Variants in PDGFD observed in about 807,000 individuals in gnomAD.
PDGFD encodes the protein platelet derived growth factor D, also known as platelet-derived growth factor D.
Under a neutral mutation model 44.7 loss-of-function variants are expected in PDGFD, and 30 were observed. The observed-to-expected ratio is 0.67, with a 90% CI of 0.50 to 0.91. The LOEUF is 0.91. Ranked by LOEUF, PDGFD falls within the 40% of genes least tolerant of loss-of-function variation. The pLI is 0.00. For missense variants in PDGFD, 445 were observed against 457.8 expected (o/e 0.97, Z 0.25); for synonymous variants, 173 against 168.4 (o/e 1.03, Z -0.21).
chr11:104,103,198 T>A (rs1213173076), intron 1 of PDGFD, among the ~76,000 whole-genome samples: 1 of 152,066 alleles, frequency 6.6e-6, no homozygotes, highest in African/African-American at 2.4e-5. Flanking sequence ...ATAGAGTAGT[T>A]TTATGATGAT....
At chr11:104,014,175 T>C (rs1161830297) in intron 1 of PDGFD, among the ~76,000 whole-genome samples, 6 of 152,192 alleles carry the variant, frequency 3.9e-5, no homozygotes, top group Admixed American at 2.6e-4. Flanking sequence ...CTATGTCTGT[T>C]TCTCTACATT....
chr11:104,024,275 CA>C (rs1229814275), intron 1 of PDGFD, among the ~76,000 whole-genome samples: 2 of 148,902 alleles, frequency 1.3e-5, no homozygotes, highest in African/African-American at 2.5e-5. Context: ...AGGTACCATG[CA>C]AAAAAAAAGA....
chr11:103,971,877 ACT>A (rs1859108075), intron 3 of PDGFD, among the ~76,000 whole-genome samples: 2 of 152,210 alleles, frequency 1.3e-5, no homozygotes, highest in Admixed American at 6.5e-5. Flanking sequence ...CTTCGGGAAT[ACT>A]CACCACATGA....
At chr11:103,993,887 C>G (rs1859495503) in intron 3 of PDGFD, among the ~76,000 whole-genome samples, 1 of 151,490 alleles carries the variant, frequency 6.6e-6, no homozygotes, top group Non-Finnish European at 1.5e-5. Context: ...ACCAACAGAC[C>G]AGTAGAAAAA....
chr11:104,013,034 C>A (rs1237063636), intron 1 of PDGFD, among the ~76,000 whole-genome samples: 1 of 152,240 alleles, frequency 6.6e-6, no homozygotes, highest in Non-Finnish European at 1.5e-5. Flanking sequence ...CTATGTCCCC[C>A]ACCCTGTACC....
intron 5 of PDGFD, 80 bp from the exon 6 acceptor site, chr11:103,927,206 G>C: frequency 1.6e-6 from 2 of 1,283,106 alleles, no homozygotes; most frequent in Non-Finnish European, 2.2e-6. Flanking sequence ...GGAATAGAGT[G>C]GGAAGATTCT....
intron 1 of PDGFD, among the ~76,000 whole-genome samples, chr11:104,066,753 T>G (rs969180965): frequency 6.6e-6 from 1 of 152,186 alleles, no homozygotes; most frequent in African/African-American, 2.4e-5. Context: ...TTGGCCCTAT[T>G]GGCATCACTG....
At chr11:104,129,218 CTTT>C (rs111924546) in intron 1 of PDGFD, among the ~76,000 whole-genome samples, 5,965 of 147,308 alleles carry the variant, frequency 0.04, 167 homozygotes, top group African/African-American at 0.077. Flanking sequence ...CTGTCATCAT[CTTT>C]TTTTTTTTTC....
chr11:104,057,638 A>G (rs915408203), intron 1 of PDGFD, among the ~76,000 whole-genome samples: 1 of 152,190 alleles, frequency 6.6e-6, no homozygotes, highest in South Asian at 2.1e-4. Context: ...CAGTACACCC[A>G]GGTAATATAC....
intron 5 of PDGFD, among the ~76,000 whole-genome samples, chr11:103,934,179 C>T (rs138706346): frequency 5.1e-4 from 77 of 152,234 alleles, no homozygotes; most frequent in African/African-American, 1.8e-3. Flanking sequence ...TTTTACTATG[C>T]AAAATGGGAA....
intron 1 of PDGFD, among the ~76,000 whole-genome samples, chr11:104,157,918 A>G (rs1862330827): frequency 6.9e-6 from 1 of 145,050 alleles, no homozygotes; most frequent in Non-Finnish European, 1.5e-5. Flanking sequence ...ATAAATTTAT[A>G]CAATCTTTAT....
intron 5 of PDGFD, among the ~76,000 whole-genome samples, chr11:103,929,793 A>G (rs529782498): frequency 6.6e-6 from 1 of 152,316 alleles, no homozygotes; most frequent in Admixed American, 6.5e-5. Context: ...GTCAAAGAAG[A>G]CTGATAAGCC....
intron 3 of PDGFD, among the ~76,000 whole-genome samples, chr11:103,990,680 G>T (rs559379058): frequency 2.0e-5 from 3 of 152,246 alleles, no homozygotes; most frequent in East Asian, 3.9e-4. Context: ...ATATTTGAGG[G>T]AAAGAAACTG....
At chr11:104,103,124 C>T (rs1279671954) in intron 1 of PDGFD, among the ~76,000 whole-genome samples, 1 of 152,114 alleles carries the variant, frequency 6.6e-6, no homozygotes. Flanking sequence ...AAACAAGTCA[C>T]TTACCATTTC....
chr11:103,999,947 T>C, intron 2 of PDGFD, 104 bp downstream of exon 2: 1 of 970,538 alleles, frequency 1.0e-6, no homozygotes. Flanking sequence ...ACATGTTGGG[T>C]CCATTTAAAA....
chr11:103,994,745 A>G (rs1046244945), intron 3 of PDGFD, among the ~76,000 whole-genome samples: 1 of 152,186 alleles, frequency 6.6e-6, no homozygotes, highest in Non-Finnish European at 1.5e-5. Flanking sequence ...AAAAGGCAAT[A>G]TGCTACAAAC....
chr11:104,164,057 T>C lies in PDGFD; in HGVS notation c.-130A>G, dbSNP rs1862432271. On this transcript the variant is annotated 5_prime_UTR_variant, in exon 1 of 7. Coordinates refer to ENST00000393158, the MANE Select transcript of PDGFD (RefSeq NM_025208.5). Reference sequence around the variant, plus strand: ...GCGCTGGCCCGGGTCGCTGTGCTAATCGCCGAGCTCTCCCCAAACTTCCTG... The same window carrying C: ...GCGCTGGCCCGGGTCGCTGTGCTAACCGCCGAGCTCTCCCCAAACTTCCTG... The C allele has an allele frequency of 9.7e-7, 1 of 1,030,274 alleles. No homozygotes were observed. 63.8% of individuals were successfully genotyped at this position (1,030,274 alleles called of 1,614,324 possible). A position where few individuals can be genotyped will look rare whatever the true frequency, so the allele number is the denominator to read the frequency against.
In PDGFD at chr11:103,907,835, G is replaced by A. The variant is rs1306033940; in HGVS notation, c.*1859C>T. 1 of 151,966 alleles carries A rather than the reference G, an allele frequency of 6.6e-6. No individual in the cohort carries two copies. The highest frequency in any genetic ancestry group is 1.5e-5 in the Non-Finnish European group (1 of 67,972). The allele number at this position is 151,966 out of a possible 1,614,324, so 9.4% of individuals were successfully genotyped here. ...ATTAGTGTCTGCCTGAGCTATTTCT[G>A]ATTGTGTTCTGGGATTTTAGAGAAT... On this transcript the variant is annotated 3_prime_UTR_variant, in exon 7 of 7. Coordinates refer to ENST00000393158, the MANE Select transcript of PDGFD (RefSeq NM_025208.5).
At chr11:103,974,741 C>T (rs260826) in intron 3 of PDGFD, among the ~76,000 whole-genome samples, 42,622 of 151,946 alleles carry the variant, frequency 0.28, 6,402 homozygotes, top group Admixed American at 0.45. Context: ...TGAGAACATG[C>T]GGTGTTTGGT....
Sources: allele counts gnomAD v4.1 joint callset (sites outside exome capture counted in the v4.1 genomes callset), GRCh38; gene constraint gnomAD v4.1.1; transcripts MANE v1.5; gene names NCBI Gene and HGNC (gene_info 2026-07-23, HGNC 2026-07-21).